DACH1: variants seen among roughly 807,000 people sequenced by gnomAD.
The protein encoded by DACH1 is dachshund homolog 1.
Under a neutral mutation model 54.2 loss-of-function variants are expected in DACH1, and 12 were observed. That is an observed-to-expected ratio of 0.22 (90% CI 0.14 to 0.36). The LOEUF is 0.36. DACH1 is among the 10% of genes least tolerant of loss of function. The probability of loss-of-function intolerance (pLI) is 1.00; values close to 1 mark genes in which losing one functional copy is unlikely to be tolerated. For missense variants in DACH1, 805 were observed against 929.8 expected, an observed-to-expected ratio of 0.87 and a Z score of 1.75; for synonymous variants, 386 against 366.2, an observed-to-expected ratio of 1.05 and a Z score of -0.62.
At chr13:71,843,251 T>G (rs1566537529) in intron 1 of DACH1, among the ~76,000 whole-genome samples, 3 of 152,040 alleles carry the variant, frequency 2.0e-5, no homozygotes, top group Admixed American at 2.0e-4. Context: ...TATTTTTAAA[T>G]GTACTGAATG....
At chr13:71,851,702 AC>A (rs1438441839) in intron 1 of DACH1, among the ~76,000 whole-genome samples, 1 of 151,836 alleles carries the variant, frequency 6.6e-6, no homozygotes, top group Non-Finnish European at 1.5e-5. Flanking sequence ...TCTAACCCCC[AC>A]CCCAATATTG....
intron 1 of DACH1, among the ~76,000 whole-genome samples, chr13:71,748,884 T>TTC (rs1283336567): frequency 7.9e-4 from 13 of 16,530 alleles, no homozygotes; most frequent in Non-Finnish European, 1.8e-3. Context: ...CTTTCTTTCT[T>TTC]TCTTTCTTTC....
intron 1 of DACH1, among the ~76,000 whole-genome samples, chr13:71,706,161 C>G (rs1882430991): frequency 6.6e-6 from 1 of 151,890 alleles, no homozygotes; most frequent in African/African-American, 2.4e-5. Context: ...CCTATATCAT[C>G]TTAGAGTTTT....
intron 10 of DACH1, among the ~76,000 whole-genome samples, chr13:71,468,468 C>T (rs141641449): frequency 1.3e-5 from 2 of 152,066 alleles, no homozygotes; most frequent in Admixed American, 6.6e-5. Flanking sequence ...CCTAAGGAAC[C>T]CCCATTCCCA....
chr13:71,695,166 C>G lies in DACH1; in HGVS notation c.849-13256G>C, dbSNP rs532826732. 5.3e-5 allele frequency among the ~76,000 whole-genome samples: 8 copies of G among 152,220 alleles called. No individual in the cohort carries two copies. In the East Asian group the frequency reaches 1.5e-3, roughly 29 times the overall value. ...TTTCAGTCAATTTTTAATTTCATTG[C>G]TTGTTAGAGGATTTTCTAATATTTA... On this transcript the variant is annotated intron_variant, in intron 1 of 10. Coordinates refer to ENST00000613252, the MANE Select transcript of DACH1 (RefSeq NM_080759.6).
At chr13:71,582,346 C>T (rs570589070) in intron 3 of DACH1, among the ~76,000 whole-genome samples, 1 of 152,006 alleles carries the variant, frequency 6.6e-6, no homozygotes, top group Non-Finnish European at 1.5e-5. Context: ...ATAATCAATA[C>T]GAATACATGA....
chr13:71,770,896 C>T (rs1885826861), intron 1 of DACH1, among the ~76,000 whole-genome samples: 2 of 151,520 alleles, frequency 1.3e-5, no homozygotes, highest in Admixed American at 1.3e-4. Flanking sequence ...GCTGTGACAC[C>T]ACTCTCATTA....
At chr13:71,558,727 T>C (rs1884409148) in intron 5 of DACH1, among the ~76,000 whole-genome samples, 1 of 152,076 alleles carries the variant, frequency 6.6e-6, no homozygotes, top group Non-Finnish European at 1.5e-5. Flanking sequence ...AAAGCAAGTA[T>C]ATATATTTAG....
chr13:71,480,762 G>A (rs1349105637), intron 7 of DACH1, among the ~76,000 whole-genome samples: 1 of 152,102 alleles, frequency 6.6e-6, no homozygotes, highest in African/African-American at 2.4e-5. Flanking sequence ...ACTTGTAAGC[G>A]CAATAGACAG....
chr13:71,780,692 C>T (rs1359006237), intron 1 of DACH1, among the ~76,000 whole-genome samples: 1 of 151,874 alleles, frequency 6.6e-6, no homozygotes, highest in Non-Finnish European at 1.5e-5. Flanking sequence ...TCCTCTCTCC[C>T]CTCTCTTCCT....
At chr13:71,792,977 G>A (rs899991387) in intron 1 of DACH1, among the ~76,000 whole-genome samples, 1 of 152,132 alleles carries the variant, frequency 6.6e-6, no homozygotes, top group Admixed American at 6.5e-5. Flanking sequence ...TTATTGTAAA[G>A]GTCCTCTCTT....
intron 1 of DACH1, among the ~76,000 whole-genome samples, chr13:71,787,514 T>C (rs991119646): frequency 1.3e-5 from 2 of 152,228 alleles, no homozygotes; most frequent in Admixed American, 6.5e-5. Context: ...GTTATGAGCC[T>C]TCGCAAATCA....
At chr13:71,722,350 C>T (rs562395965) in intron 1 of DACH1, among the ~76,000 whole-genome samples, 3 of 152,280 alleles carry the variant, frequency 2.0e-5, no homozygotes, top group Admixed American at 1.3e-4. Flanking sequence ...CACAGAACAA[C>T]ATTCCCTTCT....
chr13:71,458,777 C>A (rs559673621), intron 10 of DACH1, among the ~76,000 whole-genome samples: 1 of 151,864 alleles, frequency 6.6e-6, no homozygotes, highest in South Asian at 2.1e-4. Flanking sequence ...TATTTCACAC[C>A]TTTATATAAA....
chr13:71,503,666 C>T (rs2138238702), intron 6 of DACH1, among the ~76,000 whole-genome samples: 1 of 152,288 alleles, frequency 6.6e-6, no homozygotes, highest in Admixed American at 6.5e-5. Context: ...AGATTTGGTT[C>T]ATCTACTTAA....
rs1354265086 is a variant in DACH1 at position 71,639,445 on chromosome 13, C to T, written c.965-8728G>A. ...TGATCCTTGAGGCCATTAATGGAAA[C>T]ACTCCCTATACCAGTTTTGAGTCTT... On this transcript the variant is annotated intron_variant, in intron 2 of 10. Coordinates refer to ENST00000613252, the MANE Select transcript of DACH1 (RefSeq NM_080759.6). Among the ~76,000 whole-genome samples the T allele has an allele frequency of 3.3e-5, 5 of 152,054 alleles. No homozygotes were observed. The South Asian group carries it at 1.0e-3, about 31-fold the overall frequency.
intron 2 of DACH1, among the ~76,000 whole-genome samples, chr13:71,668,535 C>T (rs1440611627): frequency 6.6e-6 from 1 of 150,782 alleles, no homozygotes; most frequent in Non-Finnish European, 1.5e-5. Context: ...ATATAATAGA[C>T]AAAAACAAAT....
chr13:71,478,809 G>C (rs960259885), intron 8 of DACH1, among the ~76,000 whole-genome samples: 1 of 152,066 alleles, frequency 6.6e-6, no homozygotes, highest in Non-Finnish European at 1.5e-5. Flanking sequence ...TTAGCTTTAT[G>C]AGTTTAACTC....
chr13:71,529,974 T>C (rs116507039), intron 6 of DACH1, among the ~76,000 whole-genome samples: 305 of 152,254 alleles, frequency 2.0e-3, no homozygotes, highest in African/African-American at 6.7e-3. Flanking sequence ...TCAAGTTAGG[T>C]AGCAGTTAAA....
Sources: allele counts gnomAD v4.1 joint callset (sites outside exome capture counted in the v4.1 genomes callset), GRCh38; gene constraint gnomAD v4.1.1; transcripts MANE v1.5; gene names NCBI Gene and HGNC (gene_info 2026-07-23, HGNC 2026-07-21).